ATP11A: variants seen among roughly 807,000 people sequenced by gnomAD.
ATP11A encodes the protein phospholipid-transporting ATPase IH.
ATP11A carries 81 observed loss-of-function variants against 154.4 expected under a neutral mutation model. The ratio of observed to expected loss-of-function variants is 0.52; its 90% confidence interval spans 0.44 to 0.63. ATP11A has a LOEUF of 0.63. Among genes scored for constraint, ATP11A ranks in the 30% least tolerant of loss-of-function variants. The pLI, the probability that ATP11A is intolerant of heterozygous loss-of-function variation, is 0.00. For missense variants in ATP11A, 1,316 were observed against 1,474.3 expected, an observed-to-expected ratio of 0.89 and a Z score of 1.76; for synonymous variants, 623 against 585.9, an observed-to-expected ratio of 1.06 and a Z score of -0.91.
At chr13:112,821,994 G>C (rs1293384667) in intron 8 of ATP11A, among the ~76,000 whole-genome samples, 1 of 152,194 alleles carries the variant, frequency 6.6e-6, no homozygotes, top group Non-Finnish European at 1.5e-5. Flanking sequence ...GCCTGGGGTA[G>C]ACAGCCCCAC....
intron 1 of ATP11A, among the ~76,000 whole-genome samples, chr13:112,721,533 C>G (rs1444440645): frequency 2.0e-5 from 3 of 152,160 alleles, no homozygotes; most frequent in Admixed American, 2.0e-4. Flanking sequence ...AAACAGCTTC[C>G]CGTGTTCTTG....
chr13:112,786,637 A>C (rs1264178374), intron 2 of ATP11A, among the ~76,000 whole-genome samples: 1 of 128,518 alleles, frequency 7.8e-6, no homozygotes, highest in Non-Finnish European at 1.6e-5. Flanking sequence ...ACATGGGGTA[A>C]ACTGTGCTTT....
intron 1 of ATP11A, among the ~76,000 whole-genome samples, chr13:112,738,861 C>A (rs1273690041): frequency 3.4e-5 from 5 of 145,828 alleles, no homozygotes; most frequent in African/African-American, 1.1e-4. Flanking sequence ...CTAGGTTGGC[C>A]CATGCAGTTC....
chr13:112,863,719 T>A (rs1263212971), intron 25 of ATP11A, among the ~76,000 whole-genome samples: 2,753 of 48,734 alleles, frequency 0.056, 2 homozygotes, highest in Middle Eastern at 0.14. Context: ...CCCAGCGGGG[T>A]CCATCACCAC....
chr13:112,878,565 G>A, intron 29 of ATP11A: 1 of 551,558 alleles, frequency 1.8e-6, no homozygotes, highest in East Asian at 3.0e-5. Context: ...CTGTGTGAGG[G>A]TTCAGACACA....
At chr13:112,878,393 C>CT in intron 29 of ATP11A, 90 bp downstream of exon 29, 1 of 1,427,812 alleles carries the variant, frequency 7.0e-7, no homozygotes, top group Non-Finnish European at 9.8e-7. Flanking sequence ...TCCACGTGCT[C>CT]TGACGCAGCG....
chr13:112,708,602 A>T (rs531696690), intron 1 of ATP11A, among the ~76,000 whole-genome samples: 2 of 152,254 alleles, frequency 1.3e-5, no homozygotes, highest in Non-Finnish European at 2.9e-5. Flanking sequence ...AGTTCATTAA[A>T]AAATGGGTTG....
At chr13:112,749,679 G>C (rs1485518457) in intron 1 of ATP11A, among the ~76,000 whole-genome samples, 1 of 152,014 alleles carries the variant, frequency 6.6e-6, no homozygotes, top group Non-Finnish European at 1.5e-5. Context: ...CCTCCCACGT[G>C]GGGACACGTC....
At chr13:112,802,846 A>G (rs1291467475) in intron 2 of ATP11A, among the ~76,000 whole-genome samples, 1 of 152,232 alleles carries the variant, frequency 6.6e-6, no homozygotes, top group Non-Finnish European at 1.5e-5. Context: ...ACTGACTGGG[A>G]GAATAGATTT....
In ATP11A at chr13:112,882,312, C is replaced by T. The variant is rs1004644901; in HGVS notation, c.*446C>T. ...CAGGCCTGTGTCTTCACCCACCTGCCATCATTGGCCTTTGCTGTCACTGGG... is the reference window on the plus strand; with the variant it reads ...CAGGCCTGTGTCTTCACCCACCTGCTATCATTGGCCTTTGCTGTCACTGGG... On this transcript the variant is annotated 3_prime_UTR_variant, in exon 30 of 30. Transcript: ENST00000375645. This position sits in a 1 kb window ranked among gnomAD's most constrained non-coding sequence, Gnocchi z 5.1. 4 of 402,490 alleles carry T rather than the reference C, an allele frequency of 9.9e-6. No individual in the cohort carries two copies. Among genetic ancestry groups the T allele is most frequent in the East Asian group, 7.2e-5 (1 of 13,824 alleles). 24.9% of individuals were successfully genotyped at this position (402,490 alleles called of 1,614,324 possible).
chr13:112,855,414 G>A (rs2079892971), intron 19 of ATP11A, among the ~76,000 whole-genome samples: 1 of 152,208 alleles, frequency 6.6e-6, no homozygotes, highest in Admixed American at 6.5e-5. Flanking sequence ...CTGACCTCAG[G>A]TGATCCACCC....
At chr13:112,784,925 C>T (rs1566476531) in intron 1 of ATP11A, among the ~76,000 whole-genome samples, 1 of 152,208 alleles carries the variant, frequency 6.6e-6, no homozygotes, top group East Asian at 1.9e-4. Context: ...CTGGTGCTCA[C>T]CAGAAGACCT....
At chr13:112,739,646 C>T (rs568422476) in intron 1 of ATP11A, among the ~76,000 whole-genome samples, 18 of 152,230 alleles carry the variant, frequency 1.2e-4, no homozygotes, top group Non-Finnish European at 2.2e-4. Flanking sequence ...TGAAAACACG[C>T]GTCCACACGG....
chr13:112,747,002 T>A (rs1393775541), intron 1 of ATP11A: 1 of 152,126 alleles, frequency 6.6e-6, no homozygotes, highest in African/African-American at 2.4e-5. Context: ...TTTTTTTTTT[T>A]TAACTTCCTA....
At chr13:112,861,747 T>G (rs1013966931) in intron 24 of ATP11A, among the ~76,000 whole-genome samples, 1 of 152,252 alleles carries the variant, frequency 6.6e-6, no homozygotes, top group South Asian at 2.1e-4. Flanking sequence ...TCTGAGTTGG[T>G]TGTACATCTT....
intron 12 of ATP11A, among the ~76,000 whole-genome samples, chr13:112,829,919 A>G (rs1339096844): frequency 6.6e-6 from 1 of 152,230 alleles, no homozygotes; most frequent in Non-Finnish European, 1.5e-5. Context: ...AAAAGAAATC[A>G]AAGACTTTAA....
chr13:112,794,178 G>A (rs906377321), intron 2 of ATP11A, among the ~76,000 whole-genome samples: 6 of 152,302 alleles, frequency 3.9e-5, no homozygotes, highest in Admixed American at 2.6e-4. Context: ...TGGCTTTCAC[G>A]CCAGGAGCTC....
chr13:112,802,930 G>A (rs1420923045), intron 2 of ATP11A, among the ~76,000 whole-genome samples: 10 of 152,160 alleles, frequency 6.6e-5, no homozygotes, highest in East Asian at 5.8e-4. Flanking sequence ...TGGGTAGGGC[G>A]GGATGACCTA....
intron 1 of ATP11A, chr13:112,703,426 A>T (rs1439300991): frequency 6.6e-6 from 1 of 152,270 alleles, no homozygotes; most frequent in African/African-American, 2.4e-5. Flanking sequence ...AGGGGATCAC[A>T]GTTCAGCCCA....
Sources: allele counts gnomAD v4.1 joint callset (sites outside exome capture counted in the v4.1 genomes callset), GRCh38; gene constraint gnomAD v4.1.1; non-coding constraint Gnocchi (gnomAD v3.1); transcripts MANE v1.5; gene names NCBI Gene and HGNC (gene_info 2026-07-23, HGNC 2026-07-21).